The following EXOC6B variants were observed in gnomAD, a reference collection of about 807,000 sequenced individuals.
EXOC6B encodes the protein SEC15 homolog B.
Under a neutral mutation model 113.5 loss-of-function variants are expected in EXOC6B, and 54 were observed. That is an observed-to-expected ratio of 0.48 (90% confidence interval 0.38 to 0.60). EXOC6B has a LOEUF of 0.60. Among genes scored for constraint, EXOC6B ranks in the 20% least tolerant of loss-of-function variants. EXOC6B has a pLI of 0.00. For synonymous variants in EXOC6B, 357 were observed against 339.0 expected, an observed-to-expected ratio of 1.05 and a Z score of -0.58; for missense variants, 797 against 977.5, an observed-to-expected ratio of 0.82 and a Z score of 2.46.
chr2:72,782,438 GATATTTTGTT>G (rs1295405203), intron 1 of EXOC6B, among the ~76,000 whole-genome samples: 9 of 151,982 alleles, frequency 5.9e-5, no homozygotes, highest in African/African-American at 2.2e-4. Flanking sequence ...GAAAATGTGT[GATATTTTGTT>G]ACACGTATAG....
intron 18 of EXOC6B, among the ~76,000 whole-genome samples, chr2:72,404,862 G>A (rs1213418869): frequency 3.3e-5 from 5 of 152,122 alleles, no homozygotes; most frequent in Admixed American, 2.6e-4. Flanking sequence ...CATGGAGAAC[G>A]ACCTTGACGA....
chr2:72,810,421 A>G (rs915741010), intron 1 of EXOC6B, among the ~76,000 whole-genome samples: 3 of 151,764 alleles, frequency 2.0e-5, no homozygotes, highest in African/African-American at 7.2e-5. Flanking sequence ...AAAATACATC[A>G]TATCAAAACT....
At chr2:72,561,099 C>T (rs1703864006) in intron 7 of EXOC6B, among the ~76,000 whole-genome samples, 1 of 151,954 alleles carries the variant, frequency 6.6e-6, no homozygotes, top group Admixed American at 6.6e-5. Flanking sequence ...AAAGTAGAGA[C>T]CCAAAGGAAA....
intron 5 of EXOC6B, among the ~76,000 whole-genome samples, chr2:72,719,329 T>C (rs905772730): frequency 1.3e-5 from 2 of 152,204 alleles, no homozygotes; most frequent in East Asian, 3.9e-4. Flanking sequence ...GGTCAAATGT[T>C]ACAATTTGGG....
Position 72,637,121 on chromosome 2 carries a change from C to T in EXOC6B, c.670-61453G>A, listed in dbSNP as rs1217379140. On this transcript the variant is annotated intron_variant, in intron 6 of 21. Transcript: ENST00000272427. The stretch of plus-strand genomic sequence containing the variant: ...AGGTATAAACCTAACAAGTTATGTA[C>T]AGAATGGACATGCTAAAAACAACAA... Among the ~76,000 whole-genome samples the T allele has an allele frequency of 2.0e-5, 3 of 151,976 alleles. No homozygotes were observed. In the South Asian group the frequency reaches 6.2e-4, roughly 32 times the overall value.
At chr2:72,630,363 TA>T (rs1258065145) in intron 6 of EXOC6B, among the ~76,000 whole-genome samples, 2 of 152,102 alleles carry the variant, frequency 1.3e-5, no homozygotes, top group East Asian at 3.8e-4. Flanking sequence ...CAATATCTCT[TA>T]AAAAAACAAT....
At position 72,741,417 on chromosome 2, in the gene EXOC6B, G is replaced by T; in HGVS notation, c.166C>A (p.Arg56Ser). The T allele has an allele frequency of 6.2e-7, 1 of 1,613,484 alleles. No homozygotes were observed. The highest frequency in any genetic ancestry group is 8.5e-7 in the Non-Finnish European group (1 of 1,179,762). The change falls in exon 2 of 22, where the codon CGT becomes AGT. Residue 56 changes from arginine to serine, a missense_variant. Transcript: ENST00000272427. ...HGRFMEKLET[R>S]IRNHDREIEK... ...ATTTCTCGGTCGTGATTACGGATAC[G>T]AGTTTCAAGCTTCTCCATGAAACGT...
chr2:72,787,443 G>A (rs889825966), intron 1 of EXOC6B, among the ~76,000 whole-genome samples: 24 of 151,784 alleles, frequency 1.6e-4, no homozygotes, highest in African/African-American at 4.6e-4. Flanking sequence ...CAAATGATCC[G>A]CCTGCCTTAG....
chr2:72,645,098 C>T (rs1673597981), intron 6 of EXOC6B, among the ~76,000 whole-genome samples: 1 of 151,952 alleles, frequency 6.6e-6, no homozygotes, highest in Non-Finnish European at 1.5e-5. Context: ...AAAGATTTAC[C>T]AAGCAAATGG....
intron 18 of EXOC6B, among the ~76,000 whole-genome samples, chr2:72,415,434 C>T (rs1694463036): frequency 6.6e-6 from 1 of 151,418 alleles, no homozygotes. Flanking sequence ...CAGAAAACAC[C>T]TATATTTGAA....
intron 6 of EXOC6B, among the ~76,000 whole-genome samples, chr2:72,618,991 T>G (rs1671570970): frequency 6.6e-6 from 1 of 151,992 alleles, no homozygotes; most frequent in African/African-American, 2.4e-5. Context: ...GCCAACCGAG[T>G]AAAATAGTGT....
At chr2:72,449,565 A>G (rs748528005) in intron 18 of EXOC6B, among the ~76,000 whole-genome samples, 44 of 151,820 alleles carry the variant, frequency 2.9e-4, no homozygotes, top group Non-Finnish European at 5.3e-4. Flanking sequence ...GTGAAATTAT[A>G]TAACCATACA....
At chr2:72,210,253 T>C (rs1680104612) in intron 20 of EXOC6B, among the ~76,000 whole-genome samples, 1 of 152,158 alleles carries the variant, frequency 6.6e-6, no homozygotes, top group Non-Finnish European at 1.5e-5. Context: ...AAGGAGAAAA[T>C]ACAACCTCTT....
At position 72,177,123 on chromosome 2, in the gene EXOC6B, C is replaced by T. The variant is rs190704897; in HGVS notation, c.*2212G>A. The stretch of plus-strand genomic sequence containing the variant: ...GACTAAGAATGGAGAGAAGATATAT[C>T]AAAGGGTCCATCTTTATGTCTTGAG... On this transcript the variant is annotated 3_prime_UTR_variant, in exon 22 of 22. Coordinates refer to ENST00000272427, the MANE Select transcript of EXOC6B (RefSeq NM_015189.3). The T allele has an allele frequency of 6.6e-6, 1 of 152,244 alleles. No individual in the cohort carries two copies. The highest frequency in any genetic ancestry group is 1.9e-4 in the East Asian group (1 of 5,168). The allele number at this position is 152,244 out of a possible 1,614,324, so 9.4% of individuals were successfully genotyped here. A position where few individuals can be genotyped will look rare whatever the true frequency, so the allele number is the denominator to read the frequency against.
chr2:72,799,882 T>C (rs1233849741), intron 1 of EXOC6B, among the ~76,000 whole-genome samples: 2 of 151,986 alleles, frequency 1.3e-5, no homozygotes, highest in African/African-American at 2.4e-5. Flanking sequence ...CTGGGAAACA[T>C]GGCAAAACCC....
At chr2:72,273,877 G>A (rs376509113) in intron 20 of EXOC6B, among the ~76,000 whole-genome samples, 20 of 152,228 alleles carry the variant, frequency 1.3e-4, no homozygotes, top group African/African-American at 3.9e-4. Context: ...TCTACTATGC[G>A]AAAGCAGTGG....
intron 6 of EXOC6B, among the ~76,000 whole-genome samples, chr2:72,615,958 T>C (rs13391821): frequency 0.017 from 2,544 of 152,198 alleles, 66 homozygotes; most frequent in African/African-American, 0.058. Context: ...GTTTGTGTCT[T>C]AGGTTTTTAA....
chr2:72,442,012 T>C (rs11695000), intron 18 of EXOC6B, among the ~76,000 whole-genome samples: 2 of 152,146 alleles, frequency 1.3e-5, no homozygotes, highest in African/African-American at 2.4e-5. Context: ...AACAAAATAC[T>C]GCAAATCAAA....
In EXOC6B at chr2:72,529,451, T is replaced by TTTACC. The variant is rs1156272024; in HGVS notation, c.916-14330_916-14326dup. On this transcript the variant is annotated intron_variant, in intron 8 of 21. Coordinates refer to ENST00000272427, the MANE Select transcript of EXOC6B (RefSeq NM_015189.3). ...CTTTTCTATATTAATTTTACCTGGC[T>TTTACC]TTACCTTAAGGGTATTAACTTCATA... Among the ~76,000 whole-genome samples the TTTACC allele has an allele frequency of 3.3e-5, 5 of 152,206 alleles. 1 individual carries two copies. In the South Asian group the frequency reaches 6.2e-4, roughly 19 times the overall value.
Sources: gnomAD v4.1 joint callset for allele counts (sites outside exome capture counted in the v4.1 genomes callset) on GRCh38, gnomAD v4.1.1 for gene constraint, MANE v1.5 for transcripts, NCBI Gene and HGNC (gene_info 2026-07-23, HGNC 2026-07-21) for gene names.